CDH23: variants seen among roughly 807,000 people sequenced by gnomAD.
The protein encoded by CDH23 is cadherin related 23, also known as cadherin-23.
In CDH23, 189 loss-of-function variants were observed where a neutral mutation model predicts 317.1. The ratio of observed to expected loss-of-function variants is 0.60; its 90% CI spans 0.53 to 0.67. The LOEUF (loss-of-function observed/expected upper bound fraction) is 0.67. Among genes scored for constraint, CDH23 ranks in the 30% least tolerant of loss-of-function variants. The pLI is 0.00. For missense variants in CDH23, 4,401 were observed against 4,592.4 expected (o/e 0.96, Z 1.20); for synonymous variants, 1,839 against 1,876.8 (o/e 0.98, Z 0.52).
chr10:71,695,078 C>T (rs1343090786), intron 21 of CDH23, among the ~76,000 whole-genome samples: 1 of 152,322 alleles, frequency 6.6e-6, no homozygotes, highest in South Asian at 2.1e-4. Flanking sequence ...GACGGGGAGG[C>T]TCAAGGGATT....
At chr10:71,537,290 G>A (rs1418973895) in intron 6 of CDH23, among the ~76,000 whole-genome samples, 1 of 152,118 alleles carries the variant, frequency 6.6e-6, no homozygotes. Context: ...AAATCATAAC[G>A]AGAAAGTCAT....
Position 71,498,731 on chromosome 10 carries a change from G to A in CDH23, c.146-11351G>A, listed in dbSNP as rs138965852. Reference sequence around the variant, plus strand: ...TCTCTGTGATGCATTGGGTTGTAGGGGAATAGAGCACATAGGTGCCTATGA... The same window carrying A: ...TCTCTGTGATGCATTGGGTTGTAGGAGAATAGAGCACATAGGTGCCTATGA... On this transcript the variant is annotated intron_variant, in intron 3 of 69. Coordinates refer to ENST00000224721, the MANE Select transcript of CDH23 (RefSeq NM_022124.6). Among the ~76,000 whole-genome samples, 317 of 152,316 alleles carry A rather than the reference G, an allele frequency of 2.1e-3. 1 individual carries two copies. Among genetic ancestry groups the A allele is most frequent in the African/African-American group, 7.3e-3 (302 of 41,560 alleles).
intron 38 of CDH23, chr10:71,749,209 T>C (rs370866549): frequency 2.0e-5 from 3 of 152,408 alleles, no homozygotes; most frequent in African/African-American, 7.2e-5. Flanking sequence ...GGCTGTGGGC[T>C]TGTCCTTCGA....
chr10:71,741,663 C>T (rs1383549313), intron 37 of CDH23, 31 bp from the exon 38 acceptor site: 1 of 1,570,956 alleles, frequency 6.4e-7, no homozygotes, highest in Non-Finnish European at 8.7e-7. Flanking sequence ...GCCTTGAGTC[C>T]AGAATGACTG....
chr10:71,568,505 C>T (rs376277692), intron 7 of CDH23, among the ~76,000 whole-genome samples: 3 of 152,304 alleles, frequency 2.0e-5, no homozygotes, highest in East Asian at 3.9e-4. Flanking sequence ...GGACTGGGCT[C>T]AAGCTGGGAT....
At chr10:71,491,892 A>G (rs953001947) in intron 3 of CDH23, among the ~76,000 whole-genome samples, 5 of 152,192 alleles carry the variant, frequency 3.3e-5, no homozygotes, top group Non-Finnish European at 5.9e-5. Context: ...CACTGGAACC[A>G]GAGGCGAGCC....
intron 53 of CDH23, among the ~76,000 whole-genome samples, chr10:71,801,342 C>T (rs372797538): frequency 2.3e-3 from 355 of 151,920 alleles, no homozygotes; most frequent in African/African-American, 7.9e-3. Context: ...TCAGTAGAGA[C>T]GGGGTTTCTC....
chr10:71,687,799 G>A (rs919434363), intron 19 of CDH23, 80 bp downstream of exon 19: 25 of 1,278,388 alleles, frequency 2.0e-5, no homozygotes, highest in African/African-American at 2.9e-5. Context: ...TGCAGACCCC[G>A]GCTCTGCACA....
chr10:71,711,036 G>T (rs1052214909), intron 27 of CDH23, among the ~76,000 whole-genome samples: 4 of 152,240 alleles, frequency 2.6e-5, no homozygotes, highest in East Asian at 1.9e-4. Flanking sequence ...AGAAGGGAAT[G>T]AATTCTCTGG....
chr10:71,795,318 A>G (rs114916390), intron 48 of CDH23, among the ~76,000 whole-genome samples: 292 of 152,236 alleles, frequency 1.9e-3, no homozygotes, highest in African/African-American at 6.6e-3. Context: ...CCAAAGGGAA[A>G]CAGAAGAAGG....
chr10:71,738,382 C>G (rs1395029304), intron 34 of CDH23, 116 bp from the exon 35 acceptor site: 1 of 1,226,202 alleles, frequency 8.2e-7, no homozygotes, highest in Non-Finnish European at 1.2e-6. Flanking sequence ...TGAGGGTTTG[C>G]TGATGTTCCA....
At chr10:71,552,200 A>G (rs760085297) in intron 6 of CDH23, among the ~76,000 whole-genome samples, 1 of 152,256 alleles carries the variant, frequency 6.6e-6, no homozygotes, top group African/African-American at 2.4e-5. Context: ...AGAGAGCTTC[A>G]GTACTTTTCA....
At chr10:71,812,372 A>C in intron 66 of CDH23, 108 bp from the exon 67 acceptor site, 1 of 1,602,136 alleles carries the variant, frequency 6.2e-7, no homozygotes, top group East Asian at 2.2e-5. Context: ...AGTCAGTGAA[A>C]GGCACTATAT....
chr10:71,529,182 T>C (rs1004654375), intron 6 of CDH23, among the ~76,000 whole-genome samples: 1 of 152,182 alleles, frequency 6.6e-6, no homozygotes, highest in Admixed American at 6.5e-5. Flanking sequence ...CTGTTTCCAC[T>C]AAGCTCCCAG....
chr10:71,413,167 T>C (rs1047626837), intron 1 of CDH23, among the ~76,000 whole-genome samples: 2 of 152,174 alleles, frequency 1.3e-5, no homozygotes, highest in Non-Finnish European at 2.9e-5. Context: ...TGGTATAAGA[T>C]TAGAGTCCAA....
chr10:71,537,262 C>T (rs982627274), intron 6 of CDH23, among the ~76,000 whole-genome samples: 4 of 152,100 alleles, frequency 2.6e-5, no homozygotes, highest in Non-Finnish European at 4.4e-5. Context: ...CTAGAATCAT[C>T]GGTTATGTTT....
chr10:71,725,494 C>T lies in CDH23; in HGVS notation c.3553C>T (p.Leu1185=). ...GATAGTGGAGGCCTACAACCACGACCTGGGCCCCATGCGGAGCTCCGTCAG... is the reference window on the plus strand; with the variant it reads ...GATAGTGGAGGCCTACAACCACGACTTGGGCCCCATGCGGAGCTCCGTCAG... ...VLIVEAYNHD[L]GPMRSSVRVI... The change falls in exon 30 of 70, where the codon CTG becomes TTG. Residue 1185 remains leucine, a synonymous_variant. Coordinates refer to ENST00000224721, the MANE Select transcript of CDH23 (RefSeq NM_022124.6). 1 of 1,613,798 alleles carries T rather than the reference C, an allele frequency of 6.2e-7. No homozygotes were observed. The highest frequency in any genetic ancestry group is 8.5e-7 in the Non-Finnish European group (1 of 1,179,824).
chr10:71,679,096 G>A (rs147264011), intron 16 of CDH23, among the ~76,000 whole-genome samples: 142 of 152,202 alleles, frequency 9.3e-4, no homozygotes, highest in African/African-American at 3.3e-3. Flanking sequence ...GGGAAGGCCC[G>A]GCCTCTGCAT....
intron 44 of CDH23, among the ~76,000 whole-genome samples, chr10:71,788,466 T>G (rs898425553): frequency 2.0e-5 from 3 of 152,028 alleles, no homozygotes; most frequent in African/African-American, 7.2e-5. Flanking sequence ...CTTTTTTTCT[T>G]TTTTTTTGAG....
Sources: allele counts gnomAD v4.1 joint callset (sites outside exome capture counted in the v4.1 genomes callset), GRCh38; gene constraint gnomAD v4.1.1; transcripts MANE v1.5; gene names NCBI Gene and HGNC (gene_info 2026-07-23, HGNC 2026-07-21).